Variants in PIP5K1B observed in about 807,000 individuals in gnomAD.
PIP5K1B encodes phosphatidylinositol-4-phosphate 5-kinase type 1 beta.
PIP5K1B carries 42 observed loss-of-function variants against 67.0 expected under a neutral mutation model. The observed-to-expected ratio is 0.63, with a 90% CI of 0.49 to 0.81. The LOEUF (loss-of-function observed/expected upper bound fraction) is 0.81. Ranked by LOEUF, PIP5K1B falls within the 30% of genes least tolerant of loss-of-function variation. The pLI, the probability that PIP5K1B is intolerant of heterozygous loss-of-function variation, is 0.00. For synonymous variants in PIP5K1B, 214 were observed against 231.4 expected (o/e 0.92, Z 0.68); for missense variants, 459 against 646.3 (o/e 0.71, Z 3.14).
intron 4 of PIP5K1B, among the ~76,000 whole-genome samples, chr9:68,839,030 G>C (rs1229154446): frequency 6.6e-6 from 1 of 152,136 alleles, no homozygotes; most frequent in African/African-American, 2.4e-5. Context: ...CCCCATACCA[G>C]AGTAATGTGT....
chr9:68,760,018 CTTAG>C, intron 2 of PIP5K1B, among the ~76,000 whole-genome samples: 1 of 152,148 alleles, frequency 6.6e-6, no homozygotes, highest in African/African-American at 2.4e-5. Flanking sequence ...TTTGTATTAT[CTTAG>C]TTAAGACATT....
intron 14 of PIP5K1B, chr9:68,941,086 G>A (rs1827539197): frequency 6.0e-6 from 3 of 499,294 alleles, no homozygotes; most frequent in African/African-American, 5.8e-5. Context: ...TTTAGGAATG[G>A]GTTTCTTCAG....
At chr9:68,709,617 G>A (rs1827291380) in intron 1 of PIP5K1B, among the ~76,000 whole-genome samples, 3 of 152,150 alleles carry the variant, frequency 2.0e-5, no homozygotes, top group Admixed American at 6.5e-5. Context: ...GCTCCAATCA[G>A]TGCTGGGAGA....
intron 13 of PIP5K1B, among the ~76,000 whole-genome samples, chr9:68,936,960 C>T (rs1326603940): frequency 1.3e-5 from 2 of 152,094 alleles, no homozygotes; most frequent in Non-Finnish European, 1.5e-5. Flanking sequence ...GGGATGAAGC[C>T]GACTTGATCA....
At chr9:68,840,512 T>G (rs1383497108) in intron 4 of PIP5K1B, among the ~76,000 whole-genome samples, 1 of 152,236 alleles carries the variant, frequency 6.6e-6, no homozygotes, top group Non-Finnish European at 1.5e-5. Flanking sequence ...ACATTTAGTA[T>G]TCTTCTGGCT....
rs1827078259 is a variant in PIP5K1B, at chr9:68,705,549, G to A, written c.-456G>A. 1 of 149,700 alleles carries A rather than the reference G, an allele frequency of 6.7e-6. No individual in the cohort carries two copies. Among genetic ancestry groups the A allele is most frequent in the South Asian group, 1.8e-4 (1 of 5,572 alleles). The allele number at this position is 149,700 out of a possible 1,614,324, so 9.3% of individuals were successfully genotyped here. A position where few individuals can be genotyped will look rare whatever the true frequency, so the allele number is the denominator to read the frequency against. ...GCGCGTCCGGAGCGAGTTTGGCCCCGCGGCTCCAGCCCCGGCACCTGCCCG... is the reference window on the plus strand; with the variant it reads ...GCGCGTCCGGAGCGAGTTTGGCCCCACGGCTCCAGCCCCGGCACCTGCCCG... On this transcript the variant is annotated 5_prime_UTR_variant, in exon 1 of 16. Transcript: ENST00000265382.
chr9:68,811,384 T>C (rs573790682), intron 2 of PIP5K1B, among the ~76,000 whole-genome samples: 2 of 152,258 alleles, frequency 1.3e-5, no homozygotes, highest in South Asian at 2.1e-4. Context: ...AGGCTTCCTA[T>C]GGGCTCAGAT....
chr9:68,864,284 C>A (rs138555402), intron 5 of PIP5K1B, among the ~76,000 whole-genome samples: 2,593 of 151,580 alleles, frequency 0.017, 44 homozygotes, highest in Non-Finnish European at 0.023. Context: ...GAGTAATGTC[C>A]GCCAAGGGTT....
intron 14 of PIP5K1B, among the ~76,000 whole-genome samples, chr9:68,975,560 G>T (rs1040286547): frequency 1.9e-4 from 29 of 152,200 alleles, no homozygotes; most frequent in Non-Finnish European, 2.9e-5. Flanking sequence ...ATTTGCCGAG[G>T]CCAGCTTGTC....
intron 15 of PIP5K1B, among the ~76,000 whole-genome samples, chr9:68,997,367 A>G (rs1350277293): frequency 6.6e-6 from 1 of 152,186 alleles, no homozygotes; most frequent in Non-Finnish European, 1.5e-5. Context: ...TGGAGCCAGT[A>G]TCCGCTGCTT....
At chr9:68,849,876 A>T (rs190051413) in intron 4 of PIP5K1B, among the ~76,000 whole-genome samples, 1 of 152,340 alleles carries the variant, frequency 6.6e-6, no homozygotes, top group African/African-American at 2.4e-5. Context: ...TAAATTGAGC[A>T]ATGGTATCTT....
chr9:68,753,515 C>CTTTTTTTTTTTTT lies in PIP5K1B; in HGVS notation c.-86+10873_-86+10885dup, dbSNP rs71500334. Among the ~76,000 whole-genome samples the CTTTTTTTTTTTTT allele has an allele frequency of 1.0e-4, 4 of 38,276 alleles. 1 individual carries two copies. Among genetic ancestry groups the CTTTTTTTTTTTTT allele is most frequent in the South Asian group, 3.9e-3 (2 of 508 alleles). The allele number at this position is 38,276 out of a possible 152,430, so 25.1% of individuals were successfully genotyped here. A position where few individuals can be genotyped will look rare whatever the true frequency, so the allele number is the denominator to read the frequency against. ...CCACCATGCCCGGCTAATTTTGTTT[C>CTTTTTTTTTTTTT]TTTTTTTTTTTTTTTTTTTTTTTTT... On this transcript the variant is annotated intron_variant, in intron 2 of 15. Coordinates refer to ENST00000265382, the MANE Select transcript of PIP5K1B (RefSeq NM_003558.4).
At chr9:68,991,285 C>T (rs1412072974) in intron 15 of PIP5K1B, 28 bp downstream of exon 15, 6 of 1,194,158 alleles carry the variant, frequency 5.0e-6, no homozygotes, top group Non-Finnish European at 5.0e-6. Flanking sequence ...TTCCTCTCCT[C>T]CACTTCTGGT....
At position 68,895,836 on chromosome 9, in the gene PIP5K1B, G is replaced by T. The variant is rs540211634; in HGVS notation, c.771+1198G>T. 8.5e-5 allele frequency among the ~76,000 whole-genome samples: 13 copies of T among 152,146 alleles called. No individual in the cohort carries two copies. The South Asian group carries it at 2.3e-3, about 27-fold the overall frequency. ...TTAATTCTCTCAGCAATTCTTTGGAGTCAGTACTATTCATACTTCCATTTT... is the reference window on the plus strand; with the variant it reads ...TTAATTCTCTCAGCAATTCTTTGGATTCAGTACTATTCATACTTCCATTTT... On this transcript the variant is annotated intron_variant, in intron 8 of 15. Coordinates refer to ENST00000265382, the MANE Select transcript of PIP5K1B (RefSeq NM_003558.4).
intron 15 of PIP5K1B, among the ~76,000 whole-genome samples, chr9:69,000,388 A>T (rs1830770810): frequency 6.6e-6 from 1 of 152,110 alleles, no homozygotes; most frequent in African/African-American, 2.4e-5. Flanking sequence ...AGACTTCCTA[A>T]ATCCCAGTGG....
chr9:68,931,727 G>A (rs2132589534), intron 12 of PIP5K1B, among the ~76,000 whole-genome samples: 1 of 152,338 alleles, frequency 6.6e-6, no homozygotes, highest in Non-Finnish European at 1.5e-5. Flanking sequence ...GCAGAAGGGT[G>A]AGCTGAAAAG....
intron 14 of PIP5K1B, among the ~76,000 whole-genome samples, chr9:68,960,976 C>T (rs1047652354): frequency 2.6e-5 from 4 of 151,284 alleles, no homozygotes; most frequent in South Asian, 2.1e-4. Flanking sequence ...TTTGGGAGGC[C>T]GAGGCGGGTG....
chr9:68,746,823 C>T (rs1422534758), intron 2 of PIP5K1B, among the ~76,000 whole-genome samples: 2 of 152,210 alleles, frequency 1.3e-5, no homozygotes, highest in Admixed American at 1.3e-4. Flanking sequence ...AGCCCAGAAT[C>T]TATCTTGCAT....
intron 12 of PIP5K1B, among the ~76,000 whole-genome samples, chr9:68,927,935 A>T (rs760029794): frequency 6.6e-6 from 1 of 152,094 alleles, no homozygotes; most frequent in Non-Finnish European, 1.5e-5. Context: ...TGTATATGAT[A>T]TGAGGTAGAG....
Sources: gnomAD v4.1 joint callset for allele counts (sites outside exome capture counted in the v4.1 genomes callset) on GRCh38, gnomAD v4.1.1 for gene constraint, MANE v1.5 for transcripts, NCBI Gene and HGNC (gene_info 2026-07-23, HGNC 2026-07-21) for gene names.